Variants in SNRNP70 observed in about 807,000 individuals in gnomAD.
The protein encoded by SNRNP70 is U1 small nuclear ribonucleoprotein 70 kDa.
In SNRNP70, 8 loss-of-function variants were observed where a neutral mutation model predicts 50.5. The ratio of observed to expected loss-of-function variants is 0.16; its 90% CI spans 0.09 to 0.29. The LOEUF is 0.29. Among genes scored for constraint, SNRNP70 ranks in the 10% least tolerant of loss-of-function variants. The pLI, the probability that SNRNP70 is intolerant of heterozygous loss-of-function variation, is 1.00. For synonymous variants in SNRNP70, 320 were observed against 252.9 expected (o/e 1.27, Z -2.52); for missense variants, 529 against 663.5 (o/e 0.80, Z 2.23).
At chr19:49,105,743 AAAAAC>A (rs1455238115) in intron 8 of SNRNP70, among the ~76,000 whole-genome samples, 3 of 107,930 alleles carry the variant, frequency 2.8e-5, no homozygotes, top group Non-Finnish European at 7.3e-5. Flanking sequence ...AAAAAAAACA[AAAAAC>A]AAAAAAACTG....
intron 4 of SNRNP70, among the ~76,000 whole-genome samples, chr19:49,096,561 T>A (rs540858620): frequency 6.0e-5 from 9 of 150,422 alleles, no homozygotes; most frequent in African/African-American, 2.2e-4. Context: ...AGGTCAGGAG[T>A]TCGAAACCAG....
chr19:49,098,538 C>A (rs1394958092), intron 5 of SNRNP70, 47 bp downstream of exon 5: 1 of 1,595,850 alleles, frequency 6.3e-7, no homozygotes, highest in Admixed American at 1.7e-5. Flanking sequence ...TGCTGAGAGC[C>A]TGGGTCTGGC....
At chr19:49,094,951 G>A (rs990249352) in intron 4 of SNRNP70, among the ~76,000 whole-genome samples, 16 of 152,230 alleles carry the variant, frequency 1.1e-4, no homozygotes, top group Admixed American at 8.5e-4. Context: ...CTTCCGTTGA[G>A]TCTCTGCTCT....
Position 49,087,960 on chromosome 19 carries a change from C to T in SNRNP70, c.147+1399C>T, listed in dbSNP as rs546481989. On this transcript the variant is annotated intron_variant, in intron 2 of 9. Transcript: ENST00000598441. ...TGTTGCCCAGGCTGGAGTGCAGTGGCGTGATTTTAGCCAACTGCAGCCTCC... is the reference window on the plus strand; with the variant it reads ...TGTTGCCCAGGCTGGAGTGCAGTGGTGTGATTTTAGCCAACTGCAGCCTCC... 7.9e-5 allele frequency among the ~76,000 whole-genome samples: 12 copies of T among 152,162 alleles called. No individual in the cohort carries two copies. The East Asian group carries it at 2.1e-3, about 27-fold the overall frequency.
chr19:49,101,998 CCCCTTTGAGGCTG>C (rs2040594730), intron 7 of SNRNP70: 1 of 463,374 alleles, frequency 2.2e-6, no homozygotes, highest in Non-Finnish European at 4.2e-6. Context: ...GTTCCAAAGC[CCCCTTTGAGGCTG>C]CCGCGGCGTC....
At chr19:49,106,927 C>T (rs1296149921) in intron 8 of SNRNP70, among the ~76,000 whole-genome samples, 3 of 152,116 alleles carry the variant, frequency 2.0e-5, no homozygotes, top group African/African-American at 4.8e-5. Context: ...AGGTAGGGGT[C>T]GACTCAGGTA....
intron 4 of SNRNP70, among the ~76,000 whole-genome samples, chr19:49,096,402 T>C (rs931760470): frequency 6.6e-6 from 1 of 151,878 alleles, no homozygotes; most frequent in Non-Finnish European, 1.5e-5. Context: ...TGAGATGGAG[T>C]TGTTTTCAGA....
chr19:49,102,515 G>C, intron 7 of SNRNP70: 1 of 234,068 alleles, frequency 4.3e-6, no homozygotes, highest in Non-Finnish European at 8.9e-6. Context: ...CCAGGCCAGG[G>C]CTCCACTGGA....
At chr19:49,086,257 C>T in intron 1 of SNRNP70, 148 bp from the exon 2 acceptor site, 1 of 819,564 alleles carries the variant, frequency 1.2e-6, no homozygotes, top group Non-Finnish European at 1.8e-6. Context: ...CTTTTCTCCG[C>T]AACACAGGAC....
Position 49,107,871 on chromosome 19 carries a change from C to T in SNRNP70, c.742C>T (p.Arg248Ter). 1 of 1,556,050 alleles carries T rather than the reference C, an allele frequency of 6.4e-7. No homozygotes were observed. The highest frequency in any genetic ancestry group is 8.7e-7 in the Non-Finnish European group (1 of 1,150,816). ...GGAGCGCAGAGAGCGGAGCCGGGAG[C>T]GAGACAAGGAGCGAGAACGGCGACG... ...ERERRERSRE[R>*]DKERERRRSR... Residue 248 changes from arginine to a stop codon, truncating the protein, a stop_gained, in exon 10 of 10, where the codon CGA (arginine) becomes TGA (stop). Transcript: ENST00000598441. LOFTEE classifies it high-confidence loss of function. The surrounding 1 kb of genome is among the most constrained non-coding windows in gnomAD (Gnocchi z 6.0).
intron 7 of SNRNP70, chr19:49,102,400 C>T: frequency 2.4e-5 from 7 of 292,794 alleles, no homozygotes; most frequent in South Asian, 2.0e-4. Flanking sequence ...AAGGATGAAC[C>T]TGGTGGGAAA....
Position 49,106,242 on chromosome 19 carries a change from G to T in SNRNP70, c.578-1383G>T, listed in dbSNP as rs568434400. Among the ~76,000 whole-genome samples, 458 of 152,312 alleles carry T rather than the reference G, an allele frequency of 3.0e-3. 4 individuals carry two copies. Among genetic ancestry groups the T allele is most frequent in the African/African-American group, 0.011 (440 of 41,574 alleles). On this transcript the variant is annotated intron_variant, in intron 8 of 9. Transcript: ENST00000598441. ...CTGTTTCCTGTTGGGGCGGGAAAATGCTAGAATCTCAGTCTTTCCAGAATC... is the reference window on the plus strand; with the variant it reads ...CTGTTTCCTGTTGGGGCGGGAAAATTCTAGAATCTCAGTCTTTCCAGAATC...
chr19:49,090,607 C>A, intron 4 of SNRNP70, 87 bp downstream of exon 4: 2 of 1,262,770 alleles, frequency 1.6e-6, no homozygotes, highest in South Asian at 1.2e-5. Flanking sequence ...TGCTGTCTCC[C>A]TAAGGCCTGT....
chr19:49,090,640 G>A, intron 4 of SNRNP70, 120 bp downstream of exon 4: 1 of 940,518 alleles, frequency 1.1e-6, no homozygotes, highest in South Asian at 1.4e-5. Flanking sequence ...AGGGTTGTTA[G>A]TTCATTTGTT....
intron 2 of SNRNP70, among the ~76,000 whole-genome samples, chr19:49,089,994 G>C (rs2040428399): frequency 6.6e-6 from 1 of 151,940 alleles, no homozygotes; most frequent in Admixed American, 6.6e-5. Flanking sequence ...ATTTTTTGTG[G>C]AGATGGTGTT....
At position 49,108,190 on chromosome 19, in the gene SNRNP70, G is replaced by A; in HGVS notation, c.1061G>A (p.Arg354Gln). 2 of 1,535,356 alleles carry A rather than the reference G, an allele frequency of 1.3e-6. No homozygotes were observed. Among genetic ancestry groups the A allele is most frequent in the Non-Finnish European group, 1.8e-6 (2 of 1,139,960 alleles). ...AAGGGCCGGGATCGTGACCGGGAGC[G>A]ACGGCGGAGCCACCGGAGCGAGCGC... ...EEKGRDRDRERRRSHRSERER... is the reference protein window; with the variant it reads ...EEKGRDRDREQRRSHRSERER... Residue 354 changes from arginine to glutamine, a missense_variant, in exon 10 of 10, where the codon CGA becomes CAA. Arg to Gln is a conservative substitution (Grantham distance 43). Coordinates refer to ENST00000598441, the MANE Select transcript of SNRNP70 (RefSeq NM_003089.6).
At chr19:49,096,855 C>T (rs1259629255) in intron 4 of SNRNP70, among the ~76,000 whole-genome samples, 1 of 148,906 alleles carries the variant, frequency 6.7e-6, no homozygotes, top group African/African-American at 2.5e-5. Context: ...TCTGGCGGGA[C>T]GCGGTGGTTC....
intron 7 of SNRNP70, chr19:49,102,515 G>A (rs1316184818): frequency 8.5e-6 from 2 of 233,950 alleles, no homozygotes. Flanking sequence ...CCAGGCCAGG[G>A]CTCCACTGGA....
chr19:49,092,971 C>G (rs528127123), intron 4 of SNRNP70, among the ~76,000 whole-genome samples: 1 of 150,874 alleles, frequency 6.6e-6, no homozygotes, highest in Non-Finnish European at 1.5e-5. Flanking sequence ...GCTTTACTGC[C>G]GTGGTGCAGT....
Sources: allele counts gnomAD v4.1 joint callset (sites outside exome capture counted in the v4.1 genomes callset), GRCh38; gene constraint gnomAD v4.1.1; non-coding constraint Gnocchi (gnomAD v3.1); transcripts MANE v1.5; gene names NCBI Gene and HGNC (gene_info 2026-07-23, HGNC 2026-07-21).